The following DDB2 variants were observed in gnomAD, a reference collection of about 807,000 sequenced individuals.
The protein encoded by DDB2 is damage specific DNA binding protein 2.
DDB2 carries 27 observed loss-of-function variants against 50.5 expected under a neutral mutation model. That is an observed-to-expected ratio of 0.53 (90% CI 0.39 to 0.74). The LOEUF (loss-of-function observed/expected upper bound fraction) is 0.74, where lower values mean the gene tolerates loss of function less well. Among genes scored for constraint, DDB2 ranks in the 30% least tolerant of loss-of-function variants. The probability of loss-of-function intolerance (pLI) is 0.00; values close to 1 mark genes in which losing one functional copy is unlikely to be tolerated. For synonymous variants in DDB2, 176 were observed against 205.5 expected (o/e 0.86, Z 1.23); for missense variants, 424 against 545.6 (o/e 0.78, Z 2.22).
intron 3 of DDB2, among the ~76,000 whole-genome samples, chr11:47,232,328 A>G (rs1565155543): frequency 2.7e-5 from 4 of 147,312 alleles, no homozygotes; most frequent in Admixed American, 2.0e-4. Flanking sequence ...TCTCAAAAAC[A>G]TAAAAATAAA....
At chr11:47,225,269 A>G (rs1953541480) in intron 3 of DDB2, among the ~76,000 whole-genome samples, 1 of 151,772 alleles carries the variant, frequency 6.6e-6, no homozygotes, top group Admixed American at 6.6e-5. Flanking sequence ...AAAAAAAAAA[A>G]AACTCTAACA....
chr11:47,227,869 T>C (rs2633083), intron 3 of DDB2, among the ~76,000 whole-genome samples: 110,432 of 151,934 alleles, frequency 0.73, 41,663 homozygotes, highest in Non-Finnish European at 0.84. Context: ...TGGCCAGGCG[T>C]GGTGGATCAC....
Position 47,216,407 on chromosome 11 carries a change from C to T in DDB2, c.199C>T (p.Arg67Cys), listed in dbSNP as rs765161300. ...LAGPQILPPC[R>C]SIVRTLHQHK... ...TGGCCCACAGATCCTGCCACCATGCCGCAGCATCGTCAGGACCCTCCACCA... is the reference window on the plus strand; with the variant it reads ...TGGCCCACAGATCCTGCCACCATGCTGCAGCATCGTCAGGACCCTCCACCA... Residue 67 changes from arginine to cysteine, a missense_variant, in exon 2 of 10, where the codon CGC (arginine) becomes TGC (cysteine). Coordinates refer to ENST00000256996, the MANE Select transcript of DDB2 (RefSeq NM_000107.3). The T allele has an allele frequency of 1.5e-5, 24 of 1,613,970 alleles. No individual in the cohort carries two copies. Among genetic ancestry groups the T allele is most frequent in the East Asian group, 4.5e-5 (2 of 44,902 alleles).
chr11:47,224,493 G>A (rs1364873152), intron 3 of DDB2, among the ~76,000 whole-genome samples: 1 of 151,924 alleles, frequency 6.6e-6, no homozygotes, highest in Admixed American at 6.6e-5. Context: ...CCAGTGATCC[G>A]CCCACCTTGG....
At chr11:47,218,112 C>T (rs971538734) in intron 3 of DDB2, among the ~76,000 whole-genome samples, 3 of 152,302 alleles carry the variant, frequency 2.0e-5, no homozygotes, top group Admixed American at 6.5e-5. Flanking sequence ...AAGAGGCTTT[C>T]GCTGGTTGTC....
Position 47,238,878 on chromosome 11 carries a change from A to T in DDB2, c.*29A>T. 1 of 1,611,322 alleles carries T rather than the reference A, an allele frequency of 6.2e-7. No individual in the cohort carries two copies. The highest frequency in any genetic ancestry group is 1.1e-5 in the South Asian group (1 of 90,972). On this transcript the variant is annotated 3_prime_UTR_variant, in exon 10 of 10. Transcript: ENST00000256996. ...ACACTAAAGAAGGTGTGGGCCAGAC[A>T]AGGCCTTGGAGCCCACACATGGGAT...
chr11:47,218,666 G>A (rs1953434980), intron 3 of DDB2, among the ~76,000 whole-genome samples: 1 of 151,854 alleles, frequency 6.6e-6, no homozygotes, highest in Non-Finnish European at 1.5e-5. Flanking sequence ...GCTGACATTG[G>A]AGGGCTGTGC....
chr11:47,216,998 TATC>T lies in DDB2; in HGVS notation c.408_410del (p.Ile136del). The stretch of plus-strand genomic sequence containing the variant: ...TGGCTGTGGGTTCCAAAGGGGGAGA[TATC>T]ATGCTCTGGAATTTTGGCATCAAGG... On this transcript the variant is annotated inframe_deletion, in exon 3 of 10. Transcript: ENST00000256996. 1.2e-6 allele frequency: 2 copies of T among 1,614,102 alleles called. No individual in the cohort carries two copies. Among genetic ancestry groups the T allele is most frequent in the Non-Finnish European group, 1.7e-6 (2 of 1,180,012 alleles).
chr11:47,226,134 C>T (rs543399358), intron 3 of DDB2, among the ~76,000 whole-genome samples: 3 of 152,212 alleles, frequency 2.0e-5, no homozygotes, highest in Admixed American at 6.5e-5. Flanking sequence ...CCAATAAGTA[C>T]GATTGCTTCA....
chr11:47,228,956 CAA>C (rs58216148), intron 3 of DDB2, among the ~76,000 whole-genome samples: 2 of 94,252 alleles, frequency 2.1e-5, no homozygotes, highest in Admixed American at 1.3e-4. Context: ...GACTCCATCT[CAA>C]AAAAAAAAAA....
chr11:47,218,952 GT>G (rs879313979), intron 3 of DDB2, among the ~76,000 whole-genome samples: 185 of 148,910 alleles, frequency 1.2e-3, no homozygotes, highest in African/African-American at 4.1e-3. Context: ...ATTTAAAAGT[GT>G]TTTTTTTTTG....
chr11:47,237,170 T>G (rs1953736617), intron 7 of DDB2, among the ~76,000 whole-genome samples: 1 of 152,192 alleles, frequency 6.6e-6, no homozygotes, highest in South Asian at 2.1e-4. Flanking sequence ...CTGTTAGGGT[T>G]TGGTCACCAG....
intron 3 of DDB2, among the ~76,000 whole-genome samples, chr11:47,230,764 G>A (rs1405696803): frequency 2.0e-5 from 3 of 152,164 alleles, no homozygotes; most frequent in Admixed American, 6.6e-5. Flanking sequence ...TAAAGAAGAA[G>A]TGGAAAAGGT....
chr11:47,219,117 G>C (rs1953444908), intron 3 of DDB2, among the ~76,000 whole-genome samples: 1 of 152,040 alleles, frequency 6.6e-6, no homozygotes, highest in East Asian at 1.9e-4. Context: ...GCTAATTTTT[G>C]TATTTTTAGT....
chr11:47,232,065 G>A (rs1361556705), intron 3 of DDB2, among the ~76,000 whole-genome samples: 1 of 152,068 alleles, frequency 6.6e-6, no homozygotes, highest in Non-Finnish European at 1.5e-5. Context: ...GAAGGGAGGC[G>A]GGGCACGGTG....
At chr11:47,216,244 G>T (rs768992147) in intron 1 of DDB2, 92 bp from the exon 2 acceptor site, 1 of 1,585,746 alleles carries the variant, frequency 6.3e-7, no homozygotes, top group South Asian at 1.1e-5. Context: ...GAGATTAACC[G>T]TGCCGAATGA....
chr11:47,235,599 TG>T, intron 7 of DDB2, 187 bp downstream of exon 7: 1 of 638,988 alleles, frequency 1.6e-6, no homozygotes. Context: ...CCATCCCATA[TG>T]GTTGAGTTTT....
At chr11:47,214,861 C>A, upstream of DDB2, 1 of 510,104 alleles carries the variant, frequency 2.0e-6, no homozygotes, top group South Asian at 2.0e-5. Context: ...TGGCGCAGTT[C>A]CCGCCCCTCC....
chr11:47,238,224 C>G (rs1395896899), intron 9 of DDB2, 41 bp downstream of exon 9: 1 of 1,565,878 alleles, frequency 6.4e-7, no homozygotes. Context: ...CAAGTCCGAT[C>G]CTACTTCCCA....
Sources: gnomAD v4.1 joint callset for allele counts (sites outside exome capture counted in the v4.1 genomes callset) on GRCh38, gnomAD v4.1.1 for gene constraint, MANE v1.5 for transcripts, NCBI Gene and HGNC (gene_info 2026-07-23, HGNC 2026-07-21) for gene names.